The following PREX2 variants were observed in gnomAD, a reference collection of about 807,000 sequenced individuals.
PREX2 encodes phosphatidylinositol-3,4,5-trisphosphate dependent Rac exchange factor 2.
In PREX2, 107 loss-of-function variants were observed where a neutral mutation model predicts 203.2. The ratio of observed to expected loss-of-function variants is 0.53; its 90% CI spans 0.45 to 0.62. The LOEUF is 0.62. Ranked by LOEUF, PREX2 falls within the 20% of genes least tolerant of loss-of-function variation. PREX2 has a pLI of 0.00. For synonymous variants in PREX2, 672 were observed against 663.6 expected (o/e 1.01, Z -0.19); for missense variants, 1,777 against 1,955.9 (o/e 0.91, Z 1.72).
At chr8:67,954,664 A>G (rs936222117) in intron 1 of PREX2, among the ~76,000 whole-genome samples, 3 of 152,248 alleles carry the variant, frequency 2.0e-5, no homozygotes, top group Non-Finnish European at 4.4e-5. Flanking sequence ...CCAAAAATTG[A>G]TAGTTTACTC....
chr8:67,965,736 C>T (rs1174420496), intron 1 of PREX2, among the ~76,000 whole-genome samples: 1 of 152,072 alleles, frequency 6.6e-6, no homozygotes, highest in South Asian at 2.1e-4. Context: ...GGAGAGTAAA[C>T]GGCCTTCTGG....
intron 14 of PREX2, among the ~76,000 whole-genome samples, chr8:68,073,743 G>C (rs970586858): frequency 4.6e-5 from 7 of 152,136 alleles, no homozygotes; most frequent in African/African-American, 1.7e-4. Flanking sequence ...CATTATTGGA[G>C]TTGGACTTTC....
chr8:67,987,552 A>G (rs542727561), intron 1 of PREX2, among the ~76,000 whole-genome samples: 1 of 152,286 alleles, frequency 6.6e-6, no homozygotes, highest in Admixed American at 6.5e-5. Context: ...CTCTCCAGGT[A>G]CATTTCAGAT....
chr8:68,017,804 T>G, intron 1 of PREX2, 42 bp from the exon 2 acceptor site: 1 of 1,531,244 alleles, frequency 6.5e-7, no homozygotes, highest in Non-Finnish European at 9.0e-7. Context: ...GTCATTTTAT[T>G]AACCTAATGT....
chr8:68,209,070 T>C (rs1266588561), intron 37 of PREX2, among the ~76,000 whole-genome samples: 8 of 115,096 alleles, frequency 7.0e-5, no homozygotes, highest in African/African-American at 2.6e-4. Context: ...TGGACTCATT[T>C]AAAAAAAAAA....
intron 37 of PREX2, among the ~76,000 whole-genome samples, chr8:68,214,397 C>T (rs1554585941): frequency 1.3e-5 from 2 of 152,092 alleles, no homozygotes; most frequent in South Asian, 4.1e-4. Flanking sequence ...GAGACCCTAT[C>T]TCCAAAAAAA....
chr8:68,119,578 A>G (rs1810726215), intron 28 of PREX2, 64 bp downstream of exon 28: 2 of 1,191,028 alleles, frequency 1.7e-6, no homozygotes, highest in Non-Finnish European at 2.5e-6. Context: ...CCTTTTTCAT[A>G]TGCAGTAAAA....
chr8:68,137,936 T>C (rs1305307767), intron 32 of PREX2, among the ~76,000 whole-genome samples: 1 of 152,258 alleles, frequency 6.6e-6, no homozygotes, highest in African/African-American at 2.4e-5. Flanking sequence ...TTAAAATTGA[T>C]TTTAATCACA....
Position 68,146,330 on chromosome 8 carries a change from T to G in PREX2, c.4209T>G (p.Ile1403Met). The G allele has an allele frequency of 3.7e-6, 6 of 1,612,664 alleles. No individual in the cohort carries two copies. The highest frequency in any genetic ancestry group is 5.1e-6 in the Non-Finnish European group (6 of 1,179,356). Residue 1403 changes from isoleucine (I) to methionine (M), a missense_variant, in exon 34 of 40, where the codon ATT (isoleucine) becomes ATG (methionine). Ile to Met is a conservative substitution (Grantham distance 10). Transcript: ENST00000288368. The stretch of plus-strand genomic sequence containing the variant: ...TGAAAAATGGAGGAGGGTTTAAAAT[T>G]CATCCTGTTCTTTTTGCACAAGGTA... ...QRLKNGGGFK[I>M]HPVLFAQALE...
intron 34 of PREX2, among the ~76,000 whole-genome samples, chr8:68,149,978 A>G (rs1811401790): frequency 6.6e-6 from 1 of 152,200 alleles, no homozygotes; most frequent in African/African-American, 2.4e-5. Context: ...AATATAAAAT[A>G]TTTCTGCATG....
At chr8:68,093,038 A>G (rs1439225401) in intron 20 of PREX2, among the ~76,000 whole-genome samples, 1 of 152,194 alleles carries the variant, frequency 6.6e-6, no homozygotes, top group East Asian at 1.9e-4. Context: ...AATATATCCT[A>G]TTTAAAAACA....
intron 32 of PREX2, among the ~76,000 whole-genome samples, chr8:68,137,459 T>G (rs910121154): frequency 2.6e-5 from 4 of 151,658 alleles, no homozygotes; most frequent in Non-Finnish European, 5.9e-5. Context: ...TTTTGAGAGA[T>G]AGTGTCTCAC....
chr8:68,051,954 GTATT>G (rs1808537622), intron 8 of PREX2, among the ~76,000 whole-genome samples: 1 of 152,084 alleles, frequency 6.6e-6, no homozygotes, highest in African/African-American at 2.4e-5. Context: ...TGGATTTGTG[GTATT>G]ATTAGTCTGA....
At chr8:67,969,255 T>A (rs571360610) in intron 1 of PREX2, among the ~76,000 whole-genome samples, 1 of 152,198 alleles carries the variant, frequency 6.6e-6, no homozygotes, top group East Asian at 1.9e-4. Flanking sequence ...GGGACAAGGG[T>A]TAACCCAGCT....
chr8:67,959,527 A>G (rs1805576330), intron 1 of PREX2, among the ~76,000 whole-genome samples: 1 of 152,150 alleles, frequency 6.6e-6, no homozygotes, highest in South Asian at 2.1e-4. Flanking sequence ...AGCAGTGAAA[A>G]CAGAAAGTGG....
chr8:68,117,410 T>G (rs1397869538), intron 26 of PREX2, among the ~76,000 whole-genome samples: 3 of 152,360 alleles, frequency 2.0e-5, no homozygotes, highest in African/African-American at 7.2e-5. Context: ...TTCTAGAGAT[T>G]TAATAATAGA....
At chr8:68,096,874 A>G (rs1275419952) in intron 21 of PREX2, 143 bp from the exon 22 acceptor site, 1 of 679,950 alleles carries the variant, frequency 1.5e-6, no homozygotes, top group Non-Finnish European at 2.5e-6. Context: ...AAATGTTAAC[A>G]AGAATAGATG....
intron 1 of PREX2, among the ~76,000 whole-genome samples, chr8:68,010,043 A>AC (rs1380787122): frequency 6.6e-6 from 1 of 152,172 alleles, no homozygotes; most frequent in African/African-American, 2.4e-5. Context: ...TCGTGCTCTA[A>AC]GTTGTTTCAA....
At chr8:67,964,798 C>A (rs116300964) in intron 1 of PREX2, among the ~76,000 whole-genome samples, 10 of 152,136 alleles carry the variant, frequency 6.6e-5, no homozygotes, top group African/African-American at 1.9e-4. Context: ...CATTAACTCA[C>A]GACTTAGAAC....
Sources: allele counts gnomAD v4.1 joint callset (sites outside exome capture counted in the v4.1 genomes callset), GRCh38; gene constraint gnomAD v4.1.1; transcripts MANE v1.5; gene names NCBI Gene and HGNC (gene_info 2026-07-23, HGNC 2026-07-21).